Variants in THOC7 observed in about 807,000 individuals in gnomAD.
THOC7 encodes the protein NIF3L1-binding protein 1.
THOC7 carries 22 observed loss-of-function variants against 33.1 expected under a neutral mutation model. That is an observed-to-expected ratio of 0.66 (90% CI 0.47 to 0.95). The LOEUF (loss-of-function observed/expected upper bound fraction) is 0.95, where lower values mean the gene tolerates loss of function less well. THOC7 is among the 40% of genes least tolerant of loss of function. The pLI is 0.00. For synonymous variants in THOC7, 77 were observed against 76.8 expected (o/e 1.00, Z -0.01); for missense variants, 184 against 245.3 (o/e 0.75, Z 1.67).
chr3:63,863,550 G>A, intron 1 of THOC7: 2 of 1,195,578 alleles, frequency 1.7e-6, no homozygotes, highest in South Asian at 8.6e-5. Context: ...GGAAAGCCGA[G>A]GGTCTCCGAG....
At chr3:63,863,210 A>G (rs563099592) in intron 1 of THOC7, 6 of 153,922 alleles carry the variant, frequency 3.9e-5, no homozygotes, top group South Asian at 2.1e-4. Flanking sequence ...GTGCTTCCCA[A>G]TATGCCCCAG....
At position 63,839,676 on chromosome 3, in the gene THOC7, G is replaced by A. The variant is rs534656257; in HGVS notation, c.117C>T (p.Asn39=). ...LLVKSFIKWC[N]SGSQEEGYSQ... ...AATACCCCTCTTCCTGGGACCCAGAGTTGCACCATTTAATGAAACTCTTCA... is the reference window on the plus strand; with the variant it reads ...AATACCCCTCTTCCTGGGACCCAGAATTGCACCATTTAATGAAACTCTTCA... Residue 39 remains asparagine, a synonymous_variant, in exon 2 of 8, where the codon AAC becomes AAT. Coordinates refer to ENST00000295899, the MANE Select transcript of THOC7 (RefSeq NM_025075.4). 1.2e-6 allele frequency: 2 copies of A among 1,612,176 alleles called. No individual in the cohort carries two copies. Among genetic ancestry groups the A allele is most frequent in the South Asian group, 2.2e-5 (2 of 91,004 alleles).
At chr3:63,864,084 C>T (rs985480645), upstream of THOC7, among the ~76,000 whole-genome samples, 2 of 146,014 alleles carry the variant, frequency 1.4e-5, no homozygotes, top group African/African-American at 4.9e-5. Flanking sequence ...GCAGCCCGGG[C>T]TCCCGCCGCC....
intron 1 of THOC7, among the ~76,000 whole-genome samples, chr3:63,855,697 A>C (rs1702102207): frequency 1.3e-5 from 2 of 152,252 alleles, no homozygotes; most frequent in Non-Finnish European, 2.9e-5. Context: ...CAGAGGCAAT[A>C]GCATCATTGT....
intron 1 of THOC7, among the ~76,000 whole-genome samples, chr3:63,842,993 G>T (rs999624423): frequency 4.0e-5 from 6 of 151,524 alleles, no homozygotes; most frequent in African/African-American, 1.2e-4. Context: ...TCACCATGCT[G>T]CCCAGGCTGG....
At chr3:63,851,537 G>GAGAATAACAAC (rs1220906523) in intron 1 of THOC7, among the ~76,000 whole-genome samples, 1 of 152,214 alleles carries the variant, frequency 6.6e-6, no homozygotes, top group African/African-American at 2.4e-5. Context: ...GAGATCAGAA[G>GAGAATAACAAC]AGAATAACAG....
intron 1 of THOC7, among the ~76,000 whole-genome samples, chr3:63,858,360 T>A (rs759754982): frequency 5.9e-5 from 9 of 152,216 alleles, no homozygotes; most frequent in African/African-American, 1.7e-4. Flanking sequence ...TAGAAAGTCA[T>A]AATGCAGCTC....
In THOC7 at chr3:63,853,120, T is replaced by C. The variant is rs1216424353; in HGVS notation, c.19+10652A>G. On this transcript the variant is annotated intron_variant, in intron 1 of 7. Transcript: ENST00000295899. ...GAGCCTAGATCTCGCCACTGCACTCTAGCCCGGGTGGCAGAATGAGACTCT... is the reference window on the plus strand; with the variant it reads ...GAGCCTAGATCTCGCCACTGCACTCCAGCCCGGGTGGCAGAATGAGACTCT... Among the ~76,000 whole-genome samples the C allele has an allele frequency of 1.1e-4, 16 of 141,254 alleles. 1 individual carries two copies. The highest frequency in any genetic ancestry group is 9.1e-4 in the Admixed American group (12 of 13,228). 92.7% of individuals were successfully genotyped at this position (141,254 alleles called of 152,430 possible).
chr3:63,847,754 A>C (rs1459805924), intron 1 of THOC7, among the ~76,000 whole-genome samples: 1 of 152,208 alleles, frequency 6.6e-6, no homozygotes, highest in African/African-American at 2.4e-5. Context: ...AAACAAAAAA[A>C]ACAAACTCTG....
At chr3:63,841,346 G>A (rs115864223) in intron 1 of THOC7, among the ~76,000 whole-genome samples, 3,630 of 152,268 alleles carry the variant, frequency 0.024, 80 homozygotes, top group African/African-American at 0.06. Flanking sequence ...TAATTTTCCT[G>A]CATGTCTTTG....
In THOC7 at chr3:63,863,762, G is replaced by T. The variant is rs922614928; in HGVS notation, c.19+10C>A. 3 of 1,250,556 alleles carry T rather than the reference G, an allele frequency of 2.4e-6. No individual in the cohort carries two copies. Among genetic ancestry groups the T allele is most frequent in the Admixed American group, 4.2e-5 (1 of 23,600 alleles). 77.5% of individuals were successfully genotyped at this position (1,250,556 alleles called of 1,614,324 possible). ...GCAGCGGGCGCGTGTGGCGGCGAGCGGGGCCTCACCGTCAGTCACGGCTCC... is the reference window on the plus strand; with the variant it reads ...GCAGCGGGCGCGTGTGGCGGCGAGCTGGGCCTCACCGTCAGTCACGGCTCC... On this transcript the variant is annotated intron_variant, in intron 1 of 7. Coordinates refer to ENST00000295899, the MANE Select transcript of THOC7 (RefSeq NM_025075.4).
chr3:63,850,325 C>G (rs991061592), intron 1 of THOC7, among the ~76,000 whole-genome samples: 9 of 151,784 alleles, frequency 5.9e-5, no homozygotes, highest in Non-Finnish European at 1.2e-4. Context: ...CTCAGCCTCA[C>G]AAGTAGCTGG....
At chr3:63,846,678 G>A (rs971120867) in intron 1 of THOC7, among the ~76,000 whole-genome samples, 3 of 151,966 alleles carry the variant, frequency 2.0e-5, no homozygotes, top group Admixed American at 6.6e-5. Context: ...CCTAAAGTGC[G>A]GGAATTATAG....
chr3:63,856,874 C>T (rs1035183087), intron 1 of THOC7, among the ~76,000 whole-genome samples: 6 of 152,110 alleles, frequency 3.9e-5, no homozygotes, highest in East Asian at 1.9e-4. Flanking sequence ...CCCGCTACCA[C>T]GCCCAGCTAA....
At chr3:63,855,322 T>C (rs181156273) in intron 1 of THOC7, among the ~76,000 whole-genome samples, 1 of 152,242 alleles carries the variant, frequency 6.6e-6, no homozygotes, top group African/African-American at 2.4e-5. Flanking sequence ...GACACATTTA[T>C]GCTGAAATGT....
At chr3:63,862,587 G>A (rs755973223) in intron 1 of THOC7, among the ~76,000 whole-genome samples, 2 of 152,192 alleles carry the variant, frequency 1.3e-5, no homozygotes, top group Non-Finnish European at 2.9e-5. Context: ...AAGTTCCTGG[G>A]TCTTTAGTAG....
intron 1 of THOC7, among the ~76,000 whole-genome samples, chr3:63,855,402 G>A (rs1702096508): frequency 6.6e-6 from 1 of 151,992 alleles, no homozygotes; most frequent in Admixed American, 6.6e-5. Flanking sequence ...AATTATTCAA[G>A]ACACCAAATA....
intron 1 of THOC7, among the ~76,000 whole-genome samples, chr3:63,843,582 G>A (rs995425591): frequency 3.9e-5 from 6 of 152,008 alleles, no homozygotes; most frequent in South Asian, 2.1e-4. Context: ...ATCAATTTGG[G>A]TGTTTACCAA....
In THOC7 at chr3:63,835,623, GA is replaced by G. The variant is rs1478753603; in HGVS notation, c.411-234del. Among the ~76,000 whole-genome samples, 6 of 151,990 alleles carry G rather than the reference GA, an allele frequency of 3.9e-5. No individual in the cohort carries two copies. In the East Asian group the frequency reaches 1.2e-3, roughly 29 times the overall value. ...TTTTTGGATCCATTTTTAAAGTACA[GA>G]AAAATACAGATAACAGAATAACAAG... is the stretch of plus-strand genomic sequence containing the variant. On this transcript the variant is annotated intron_variant, in intron 5 of 7. Coordinates refer to ENST00000295899, the MANE Select transcript of THOC7 (RefSeq NM_025075.4).
Sources: gnomAD v4.1 joint callset for allele counts (sites outside exome capture counted in the v4.1 genomes callset) on GRCh38, gnomAD v4.1.1 for gene constraint, MANE v1.5 for transcripts, NCBI Gene and HGNC (gene_info 2026-07-23, HGNC 2026-07-21) for gene names.